NKAIN2: variants seen among roughly 807,000 people sequenced by gnomAD.
The protein encoded by NKAIN2 is sodium/potassium-transporting ATPase subunit beta-1-interacting protein 2.
Under a neutral mutation model 32.6 loss-of-function variants are expected in NKAIN2, and 14 were observed. That is an observed-to-expected ratio of 0.43 (90% confidence interval 0.28 to 0.67). The LOEUF is 0.67. Among genes scored for constraint, NKAIN2 ranks in the 30% least tolerant of loss-of-function variants. The pLI is 0.17. For synonymous variants in NKAIN2, 80 were observed against 87.2 expected (o/e 0.92, Z 0.46); for missense variants, 198 against 258.3 (o/e 0.77, Z 1.60).
At chr6:124,806,815 CA>C (rs527440964) in intron 5 of NKAIN2, among the ~76,000 whole-genome samples, 1 of 139,598 alleles carries the variant, frequency 7.2e-6, no homozygotes, top group African/African-American at 2.7e-5. Flanking sequence ...AAATGGAAAA[CA>C]AAAAAAGGCA....
chr6:124,482,760 G>A (rs1777501404), intron 3 of NKAIN2, among the ~76,000 whole-genome samples: 1 of 152,206 alleles, frequency 6.6e-6, no homozygotes, highest in African/African-American at 2.4e-5. Flanking sequence ...TGATCAAGTA[G>A]TTTAATATGG....
At chr6:124,176,286 TA>T (rs555417377) in intron 1 of NKAIN2, among the ~76,000 whole-genome samples, 1 of 152,118 alleles carries the variant, frequency 6.6e-6, no homozygotes, top group Admixed American at 6.5e-5. Context: ...CTTCGATTTG[TA>T]AAAAAATGCA....
chr6:123,894,846 C>A (rs1012081694), intron 1 of NKAIN2, among the ~76,000 whole-genome samples: 9 of 152,036 alleles, frequency 5.9e-5, no homozygotes, highest in Admixed American at 5.2e-4. Flanking sequence ...CAGCTCAGCA[C>A]ACTACACAAG....
In NKAIN2 at chr6:124,434,833, A is replaced by AGT. The variant is rs146506217; in HGVS notation, c.273+79488_273+79489dup. 6.4e-3 allele frequency among the ~76,000 whole-genome samples: 968 copies of AGT among 152,300 alleles called. 16 individuals carry two copies. The highest frequency in any genetic ancestry group is 0.022 in the African/African-American group (928 of 41,576). On this transcript the variant is annotated intron_variant, in intron 3 of 6. Coordinates refer to ENST00000368417, the MANE Select transcript of NKAIN2 (RefSeq NM_001040214.3). ...CAAGCCATGCCTTGTAGGGTCACGT[A>AGT]GTGGGTCAGTGAGATGGCTTATAGA...
At chr6:124,810,972 C>T (rs894396765) in intron 5 of NKAIN2, among the ~76,000 whole-genome samples, 3 of 149,550 alleles carry the variant, frequency 2.0e-5, no homozygotes, top group African/African-American at 7.4e-5. Context: ...CCAGACTGAA[C>T]ACCTCAAGTT....
At chr6:124,129,230 C>G (rs1786334225) in intron 1 of NKAIN2, among the ~76,000 whole-genome samples, 2 of 151,590 alleles carry the variant, frequency 1.3e-5, no homozygotes, top group Non-Finnish European at 2.9e-5. Flanking sequence ...GTTGAAAATC[C>G]AACTAAAAAT....
At chr6:124,476,037 AGTGT>A (rs202003671) in intron 3 of NKAIN2, among the ~76,000 whole-genome samples, 3 of 142,620 alleles carry the variant, frequency 2.1e-5, no homozygotes. Flanking sequence ...TGTGTGAGAG[AGTGT>A]GTGTGTGAGA....
At chr6:124,117,713 A>G (rs1785682158) in intron 1 of NKAIN2, among the ~76,000 whole-genome samples, 1 of 151,978 alleles carries the variant, frequency 6.6e-6, no homozygotes, top group Admixed American at 6.6e-5. Context: ...AATTAAGTTC[A>G]CATTATTTCA....
At chr6:124,625,194 A>AACAT (rs1345000477) in intron 3 of NKAIN2, among the ~76,000 whole-genome samples, 2 of 152,016 alleles carry the variant, frequency 1.3e-5, no homozygotes, top group Non-Finnish European at 2.9e-5. Flanking sequence ...AAAGAATATG[A>AACAT]ACATAAATTG....
intron 1 of NKAIN2, among the ~76,000 whole-genome samples, chr6:124,070,046 C>G (rs986864273): frequency 3.3e-5 from 5 of 152,164 alleles, no homozygotes; most frequent in African/African-American, 9.7e-5. Flanking sequence ...TAATTAGTCT[C>G]TACATACATT....
At chr6:124,198,713 C>T (rs184520329) in intron 1 of NKAIN2, among the ~76,000 whole-genome samples, 1 of 152,186 alleles carries the variant, frequency 6.6e-6, no homozygotes, top group African/African-American at 2.4e-5. Flanking sequence ...GTGTTCCCCA[C>T]AGCTGCTCAT....
chr6:124,792,325 C>T (rs1037742791), intron 5 of NKAIN2, among the ~76,000 whole-genome samples: 7 of 152,040 alleles, frequency 4.6e-5, no homozygotes, highest in Admixed American at 3.9e-4. Context: ...TCCAATTATA[C>T]TGGAAAGGAA....
At chr6:124,225,013 G>A (rs1009638941) in intron 1 of NKAIN2, among the ~76,000 whole-genome samples, 3 of 151,938 alleles carry the variant, frequency 2.0e-5, no homozygotes, top group African/African-American at 7.2e-5. Context: ...TGCCCTCCAG[G>A]TTAAGATACA....
Position 124,159,721 on chromosome 6 carries a change from G to A in NKAIN2, c.55-123284G>A, listed in dbSNP as rs540379301. Among the ~76,000 whole-genome samples, 4 of 152,250 alleles carry A rather than the reference G, an allele frequency of 2.6e-5. No individual in the cohort carries two copies. The East Asian group carries it at 7.7e-4, about 29-fold the overall frequency. ...TGGAATCATCAAAAAGGAGGAACTA[G>A]GAAACAAAGGATTTGAAGTGGCCTC... On this transcript the variant is annotated intron_variant, in intron 1 of 6. Coordinates refer to ENST00000368417, the MANE Select transcript of NKAIN2 (RefSeq NM_001040214.3).
At chr6:124,449,230 A>AT (rs981101973) in intron 3 of NKAIN2, among the ~76,000 whole-genome samples, 4 of 151,508 alleles carry the variant, frequency 2.6e-5, no homozygotes, top group East Asian at 1.9e-4. Flanking sequence ...GTGTGTTTTA[A>AT]TTTTTTTTTC....
chr6:124,647,778 G>A (rs1479548543), intron 3 of NKAIN2, among the ~76,000 whole-genome samples: 1 of 152,078 alleles, frequency 6.6e-6, no homozygotes, highest in Non-Finnish European at 1.5e-5. Context: ...ACATGATTCT[G>A]AGAGAAAATC....
At chr6:124,595,134 A>G (rs531906912) in intron 3 of NKAIN2, among the ~76,000 whole-genome samples, 6 of 152,240 alleles carry the variant, frequency 3.9e-5, no homozygotes, top group Non-Finnish European at 7.3e-5. Flanking sequence ...CCTACCTGAG[A>G]TTAGAAATCA....
intron 1 of NKAIN2, among the ~76,000 whole-genome samples, chr6:123,874,303 G>A (rs1773057904): frequency 6.6e-6 from 1 of 152,164 alleles, no homozygotes; most frequent in Non-Finnish European, 1.5e-5. Flanking sequence ...TTGTAACTCA[G>A]TAGATTCATT....
chr6:123,818,563 G>A (rs1773796125), intron 1 of NKAIN2, among the ~76,000 whole-genome samples: 1 of 152,066 alleles, frequency 6.6e-6, no homozygotes. Flanking sequence ...AAACAGCAGA[G>A]ATTTATCTTT....
Sources: gnomAD v4.1 joint callset for allele counts (sites outside exome capture counted in the v4.1 genomes callset) on GRCh38, gnomAD v4.1.1 for gene constraint, MANE v1.5 for transcripts, NCBI Gene and HGNC (gene_info 2026-07-23, HGNC 2026-07-21) for gene names.